The following USP36 variants were observed in gnomAD, a reference collection of about 807,000 sequenced individuals.
The protein encoded by USP36 is ubiquitin carboxyl-terminal hydrolase 36.
In USP36, 59 loss-of-function variants were observed where a neutral mutation model predicts 111.5. The ratio of observed to expected loss-of-function variants is 0.53; its 90% confidence interval spans 0.43 to 0.66. The LOEUF is 0.66. Ranked by LOEUF, USP36 falls within the 30% of genes least tolerant of loss-of-function variation. USP36 has a pLI of 0.00. For missense variants in USP36, 1,488 were observed against 1,468.0 expected, an observed-to-expected ratio of 1.01 and a Z score of -0.22; for synonymous variants, 628 against 581.0, an observed-to-expected ratio of 1.08 and a Z score of -1.16.
intron 4 of USP36, among the ~76,000 whole-genome samples, chr17:78,831,550 T>C (rs1036195667): frequency 6.6e-6 from 1 of 151,790 alleles, no homozygotes; most frequent in Non-Finnish European, 1.5e-5. Context: ...GAGGTGGGGG[T>C]TGCAGTGAGC....
In USP36 at chr17:78,807,150, T is replaced by C. The variant is rs746133689; in HGVS notation, c.1894A>G (p.Ser632Gly). 6.2e-7 allele frequency: 1 copy of C among 1,614,212 alleles called. No individual in the cohort carries two copies. The highest frequency in any genetic ancestry group is 8.5e-7 in the Non-Finnish European group (1 of 1,180,036). The change falls in exon 14 of 21, where the codon AGT becomes GGT. Residue 632 changes from serine to glycine, a missense_variant. This residue lies in a region of USP36 where 1,073 missense variants were observed against 994.1 expected (regional missense o/e 1.08). Transcript: ENST00000449938. ...DSTKAPQTPR[S>G]GAAHLCDSQE... Reference sequence around the variant, plus strand: ...GAATCGCAGAGATGGGCCGCTCCACTCCTGGGGGTCTGGGGGGCCTTGGTG... The same window carrying C: ...GAATCGCAGAGATGGGCCGCTCCACCCCTGGGGGTCTGGGGGGCCTTGGTG...
chr17:78,834,851 C>T (rs553785454), intron 4 of USP36, among the ~76,000 whole-genome samples: 1 of 152,106 alleles, frequency 6.6e-6, no homozygotes, highest in South Asian at 2.1e-4. Context: ...CATGGTGGCT[C>T]ACACTTATAA....
intron 13 of USP36, among the ~76,000 whole-genome samples, chr17:78,811,219 C>A (rs1485119808): frequency 6.6e-6 from 1 of 150,702 alleles, no homozygotes; most frequent in African/African-American, 2.4e-5. Context: ...GAGGAAACTG[C>A]TCATGAATCC....
chr17:78,835,419 CAG>C lies in USP36; in HGVS notation c.334_335del (p.Leu112GlufsTer99). On this transcript the variant is annotated frameshift_variant, in exon 4 of 21. Transcript: ENST00000449938. LOFTEE classifies it high-confidence loss of function. The part of the protein sequence containing the change: ...KVLFPTERLS[L>X]RWERVFRVGA... ...CCACGCGGAAGACCCGCTCCCACCT[CAG>C]AGACAGTCGCTCCGTGGGGAAAAGC... 6.2e-7 allele frequency: 1 copy of C among 1,614,278 alleles called. No individual in the cohort carries two copies. Among genetic ancestry groups the C allele is most frequent in the Non-Finnish European group, 8.5e-7 (1 of 1,180,050 alleles).
At position 78,799,617 on chromosome 17, in the gene USP36, C is replaced by T. The variant is rs760546023; in HGVS notation, c.3124+50G>A. 5.1e-6 allele frequency: 8 copies of T among 1,583,588 alleles called. No homozygotes were observed. The South Asian group carries it at 7.8e-5, about 15-fold the overall frequency. On this transcript the variant is annotated intron_variant, in intron 18 of 20. Transcript: ENST00000449938. ...ATCCATTCCACACCCTTCCCTCCTA[C>T]AAAACCAACCAATGAAAGGCAAACA... is the stretch of plus-strand genomic sequence containing the variant.
chr17:78,835,120 T>G (rs1175828627), intron 4 of USP36, among the ~76,000 whole-genome samples, 160 bp downstream of exon 4: 2 of 152,132 alleles, frequency 1.3e-5, no homozygotes, highest in Non-Finnish European at 2.9e-5. Context: ...TGGCCCATTC[T>G]GCAGCAGGCA....
At chr17:78,810,609 C>A (rs2094025349) in intron 13 of USP36, among the ~76,000 whole-genome samples, 1 of 152,176 alleles carries the variant, frequency 6.6e-6, no homozygotes, top group Non-Finnish European at 1.5e-5. Flanking sequence ...CTAGTCTGGG[C>A]TACAGTGACC....
Position 78,807,218 on chromosome 17 carries a change from C to G in USP36, c.1826G>C (p.Gly609Ala). The change falls in exon 14 of 21, where the codon GGC becomes GCC. Residue 609 changes from glycine to alanine, a missense_variant. Gly to Ala is a moderately conservative substitution (Grantham distance 60). Transcript: ENST00000449938. The part of the protein sequence containing the change: ...NDESAGLDRR[G>A]SSSSSPEHSA... ...GTGCTCTGGGCTGGAGCTGCTGGAG[C>G]CCCTCCTGTCGAGGCCAGCGCTCTC... The G allele has an allele frequency of 6.2e-7, 1 of 1,614,034 alleles. No homozygotes were observed. Among genetic ancestry groups the G allele is most frequent in the Non-Finnish European group, 8.5e-7 (1 of 1,179,994 alleles).
intron 6 of USP36, chr17:78,827,024 C>T: frequency 1.5e-6 from 1 of 680,152 alleles, no homozygotes; most frequent in Non-Finnish European, 2.7e-6. Flanking sequence ...CCGCCCCGGA[C>T]CAGCAGGACG....
chr17:78,829,090 C>G, intron 4 of USP36, 83 bp from the exon 5 acceptor site: 1 of 1,182,084 alleles, frequency 8.5e-7, no homozygotes. Context: ...AACGTTAACA[C>G]AGCCAGAAAC....
intron 13 of USP36, among the ~76,000 whole-genome samples, chr17:78,809,348 T>C (rs562214422): frequency 6.6e-6 from 1 of 152,366 alleles, no homozygotes; most frequent in East Asian, 1.9e-4. Flanking sequence ...ATTCTATTCT[T>C]TGTTAATACT....
At chr17:78,791,702 G>A (rs1263296071), downstream of USP36, among the ~76,000 whole-genome samples, 2 of 152,254 alleles carry the variant, frequency 1.3e-5, no homozygotes, top group Admixed American at 6.5e-5. Flanking sequence ...AAGAGGCAGG[G>A]GGGATCTGGA....
chr17:78,832,501 C>T (rs1187165936), intron 4 of USP36, among the ~76,000 whole-genome samples: 1 of 152,240 alleles, frequency 6.6e-6, no homozygotes, highest in Non-Finnish European at 1.5e-5. Context: ...CAGGCGTTCC[C>T]CTTGAAGGGA....
rs183941112 is a variant in USP36 at position 78,804,262 on chromosome 17, G to A, written c.2217-284C>T. 2.2e-4 allele frequency among the ~76,000 whole-genome samples: 34 copies of A among 152,186 alleles called. No individual in the cohort carries two copies. In the East Asian group the frequency reaches 3.3e-3, roughly 15 times the overall value. On this transcript the variant is annotated intron_variant, in intron 15 of 20. Coordinates refer to ENST00000449938, the MANE Select transcript of USP36 (RefSeq NM_001385174.1). ...GGATCACCTGAGGTCAGAAGTTTGA[G>A]ACCAGCCTAGCCAACATGGTGAAAC...
At position 78,803,767 on chromosome 17, in the gene USP36, C is replaced by G. The variant is rs1598986015; in HGVS notation, c.2428G>C (p.Glu810Gln). The G allele has an allele frequency of 6.2e-7, 1 of 1,612,712 alleles. No individual in the cohort carries two copies. The highest frequency in any genetic ancestry group is 1.1e-5 in the South Asian group (1 of 91,060). ...EASEPPQSPSEKRKKTFVGEP... is the reference protein window; with the variant it reads ...EASEPPQSPSQKRKKTFVGEP... The stretch of plus-strand genomic sequence containing the variant: ...CCCACAAAGGTCTTTTTCCTCTTCT[C>G]AGAGGGGCTCTGGGGGGGCTCACTG... Residue 810 changes from glutamate to glutamine, a missense_variant, in exon 16 of 21, where the codon GAG (glutamate) becomes CAG (glutamine). Coordinates refer to ENST00000449938, the MANE Select transcript of USP36 (RefSeq NM_001385174.1). The surrounding 1 kb of genome is among the most constrained non-coding windows in gnomAD (Gnocchi z 4.6).
intron 13 of USP36, among the ~76,000 whole-genome samples, chr17:78,811,586 C>T (rs532244016): frequency 2.0e-5 from 3 of 152,206 alleles, no homozygotes; most frequent in Admixed American, 6.5e-5. Context: ...AATGTGAGAA[C>T]AGGCCGGGCA....
chr17:78,789,429 G>T (rs932409549), intron 3 of USP36, among the ~76,000 whole-genome samples: 2 of 152,006 alleles, frequency 1.3e-5, no homozygotes, highest in Admixed American at 1.3e-4. Flanking sequence ...TGAATAAATA[G>T]AAGACAGAGG....
intron 10 of USP36, among the ~76,000 whole-genome samples, chr17:78,815,846 CACAT>C (rs1490869817): frequency 4.4e-5 from 6 of 135,766 alleles, no homozygotes; most frequent in African/African-American, 1.1e-4. Context: ...CATACACACA[CACAT>C]ATGCATGCAT....
At chr17:78,789,766 T>C (rs2144823945) in intron 3 of USP36, among the ~76,000 whole-genome samples, 1 of 152,320 alleles carries the variant, frequency 6.6e-6, no homozygotes, top group South Asian at 2.1e-4. Flanking sequence ...GGCGTTCACT[T>C]CAAATAGAGG....
Sources: gnomAD v4.1 joint callset for allele counts (sites outside exome capture counted in the v4.1 genomes callset) on GRCh38, gnomAD v4.1.1 for gene constraint, gnomAD v4.1.1 regional missense constraint, Gnocchi (gnomAD v3.1) non-coding constraint, MANE v1.5 for transcripts, NCBI Gene and HGNC (gene_info 2026-07-23, HGNC 2026-07-21) for gene names.